The following PRKD3 variants were observed in gnomAD, a reference collection of about 807,000 sequenced individuals.
PRKD3 encodes the protein protein kinase D3, also known as serine/threonine-protein kinase D3.
A neutral mutation model predicts 99.2 loss-of-function variants in PRKD3; 47 were observed. The ratio of observed to expected loss-of-function variants is 0.47; its 90% confidence interval spans 0.38 to 0.60. The LOEUF (loss-of-function observed/expected upper bound fraction) is 0.60. PRKD3 is among the 20% of genes least tolerant of loss of function. The pLI is 0.00. For missense variants in PRKD3, 1,019 were observed against 1,088.4 expected, an observed-to-expected ratio of 0.94 and a Z score of 0.90; for synonymous variants, 392 against 355.4, an observed-to-expected ratio of 1.10 and a Z score of -1.16.
At chr2:37,268,360 AAAACTG>A (rs1668984945) in intron 13 of PRKD3, 1 of 470,810 alleles carries the variant, frequency 2.1e-6, no homozygotes, top group Admixed American at 2.4e-5. Flanking sequence ...AACTACTCTT[AAAACTG>A]ACAAATCTGA....
intron 6 of PRKD3, 47 bp downstream of exon 6, chr2:37,286,130 A>G: frequency 6.9e-7 from 1 of 1,446,732 alleles, no homozygotes; most frequent in Non-Finnish European, 9.4e-7. Flanking sequence ...TATATATAAT[A>G]ACAAAAACAG....
intron 2 of PRKD3, among the ~76,000 whole-genome samples, chr2:37,307,763 C>T (rs73924800): frequency 0.053 from 8,017 of 152,238 alleles, 678 homozygotes; most frequent in African/African-American, 0.18. Flanking sequence ...CCCTACTCCA[C>T]CCTTGGGGTG....
At position 37,316,221 on chromosome 2, in the gene PRKD3, A is replaced by G; in HGVS notation, c.288+16T>C. 1 of 1,586,514 alleles carries G rather than the reference A, an allele frequency of 6.3e-7. No homozygotes were observed. Among genetic ancestry groups the G allele is most frequent in the Non-Finnish European group, 8.6e-7 (1 of 1,156,922 alleles). On this transcript the variant is annotated intron_variant, in intron 2 of 18. Transcript: ENST00000234179. ...GTAACAATATTATTTACTACTGATA[A>G]TAGCACACACAGTACCTTTTGATAA...
At chr2:37,281,322 T>C (rs910940709) in intron 7 of PRKD3, among the ~76,000 whole-genome samples, 17 of 152,224 alleles carry the variant, frequency 1.1e-4, no homozygotes, top group African/African-American at 4.1e-4. Flanking sequence ...ACTTTAGTCA[T>C]AGACAAACTA....
chr2:37,316,099 G>A, intron 2 of PRKD3, 138 bp downstream of exon 2: 6 of 864,118 alleles, frequency 6.9e-6, no homozygotes, highest in Non-Finnish European at 1.1e-5. Flanking sequence ...TAGCCTCAGA[G>A]GTCATTAGAA....
At chr2:37,315,743 G>C (rs1671628896) in intron 2 of PRKD3, among the ~76,000 whole-genome samples, 1 of 152,192 alleles carries the variant, frequency 6.6e-6, no homozygotes, top group Admixed American at 6.5e-5. Context: ...TTCAGACTGA[G>C]TCTCACTCTG....
chr2:37,317,905 A>G (rs1671731447), intron 1 of PRKD3: 1 of 152,132 alleles, frequency 6.6e-6, no homozygotes, highest in East Asian at 1.9e-4. Context: ...CATTTCTAAC[A>G]GTAAGAAAGA....
rs974597349 is a variant in PRKD3 at position 37,286,289 on chromosome 2, G to A, written c.798C>T (p.Cys266=). ...CAAATGTGTGTGGAACTTTCACTCT[G>A]CACATTACCATCTTTTCCATCCAGA... ...RPIWMEKMVM[C]RVKVPHTFAV... The change falls in exon 6 of 19, where the codon TGC becomes TGT. Residue 266 remains cysteine (C), a synonymous_variant. Coordinates refer to ENST00000234179, the MANE Select transcript of PRKD3 (RefSeq NM_005813.6). 6.2e-7 allele frequency: 1 copy of A among 1,613,822 alleles called. No homozygotes were observed. The highest frequency in any genetic ancestry group is 8.5e-7 in the Non-Finnish European group (1 of 1,179,862).
intron 2 of PRKD3, among the ~76,000 whole-genome samples, chr2:37,305,198 T>C (rs192449437): frequency 1.3e-5 from 2 of 152,116 alleles, no homozygotes; most frequent in Non-Finnish European, 2.9e-5. Flanking sequence ...ACCTGAAAAT[T>C]ATACCCAATC....
chr2:37,300,401 G>C (rs74861613), intron 2 of PRKD3, among the ~76,000 whole-genome samples: 5 of 152,060 alleles, frequency 3.3e-5, no homozygotes, highest in Non-Finnish European at 7.4e-5. Context: ...GGAATAAAAG[G>C]GTTGGTTAAT....
chr2:37,321,436 C>T (rs9309006), intron 1 of PRKD3, among the ~76,000 whole-genome samples: 6,693 of 152,234 alleles, frequency 0.044, 161 homozygotes, highest in African/African-American at 0.051. Flanking sequence ...GATTATCTCA[C>T]GGTAATATCA....
intron 18 of PRKD3, 46 bp from the exon 19 acceptor site, chr2:37,253,396 A>G: frequency 6.6e-7 from 1 of 1,508,128 alleles, no homozygotes; most frequent in Non-Finnish European, 9.0e-7. Flanking sequence ...GAAACAAAAT[A>G]CTGTCAACCT....
At chr2:37,278,021 T>C (rs1159417647) in intron 8 of PRKD3, 32 bp from the exon 9 acceptor site, 2 of 1,564,286 alleles carry the variant, frequency 1.3e-6, no homozygotes, top group Non-Finnish European at 1.7e-6. Flanking sequence ...TAAGTTTGTG[T>C]AGATTTTTAA....
chr2:37,269,495 C>T, intron 13 of PRKD3, 120 bp downstream of exon 13: 1 of 781,988 alleles, frequency 1.3e-6, no homozygotes, highest in Non-Finnish European at 2.2e-6. Flanking sequence ...GATAACAAGT[C>T]AGCCTTTAAA....
At chr2:37,286,572 C>T (rs1169641948) in intron 5 of PRKD3, among the ~76,000 whole-genome samples, 1 of 152,136 alleles carries the variant, frequency 6.6e-6, no homozygotes, top group Non-Finnish European at 1.5e-5. Flanking sequence ...AATATTTATG[C>T]TTAAAAACAT....
At chr2:37,308,526 C>T (rs1348195557) in intron 2 of PRKD3, among the ~76,000 whole-genome samples, 1 of 148,640 alleles carries the variant, frequency 6.7e-6, no homozygotes, top group Non-Finnish European at 1.5e-5. Flanking sequence ...CACCCACCCC[C>T]ACCCACCTCC....
intron 1 of PRKD3, among the ~76,000 whole-genome samples, chr2:37,323,058 A>G (rs1202557012): frequency 1.3e-5 from 2 of 150,678 alleles, no homozygotes; most frequent in Non-Finnish European, 3.0e-5. Context: ...TGGTGTTTTC[A>G]ATTCGTAATT....
intron 5 of PRKD3, among the ~76,000 whole-genome samples, chr2:37,286,853 G>A (rs1038838786): frequency 3.3e-5 from 5 of 152,046 alleles, no homozygotes; most frequent in African/African-American, 9.7e-5. Flanking sequence ...ATTAAAACAA[G>A]TTTCAGTAAT....
At chr2:37,261,904 C>T (rs531881755) in intron 14 of PRKD3, among the ~76,000 whole-genome samples, 2 of 152,304 alleles carry the variant, frequency 1.3e-5, no homozygotes, top group African/African-American at 4.8e-5. Flanking sequence ...AATACCTGCA[C>T]AACCATTCCG....
Sources: gnomAD v4.1 joint callset for allele counts (sites outside exome capture counted in the v4.1 genomes callset) on GRCh38, gnomAD v4.1.1 for gene constraint, MANE v1.5 for transcripts, NCBI Gene and HGNC (gene_info 2026-07-23, HGNC 2026-07-21) for gene names.